TRAF5: variants seen among roughly 807,000 people sequenced by gnomAD.
TRAF5 encodes TNF receptor-associated factor 5.
TRAF5 carries 48 observed loss-of-function variants against 64.5 expected under a neutral mutation model. That is an observed-to-expected ratio of 0.74 (90% CI 0.59 to 0.95). The LOEUF (loss-of-function observed/expected upper bound fraction) is 0.95, where lower values mean the gene tolerates loss of function less well. TRAF5 is among the 40% of genes least tolerant of loss of function. TRAF5 has a pLI of 0.00. For missense variants in TRAF5, 545 were observed against 662.8 expected (o/e 0.82, Z 1.95); for synonymous variants, 206 against 240.5 (o/e 0.86, Z 1.33).
intron 7 of TRAF5, among the ~76,000 whole-genome samples, chr1:211,362,706 A>C (rs541397797): frequency 2.0e-5 from 3 of 152,204 alleles, no homozygotes; most frequent in South Asian, 4.1e-4. Flanking sequence ...AACCCCCCCA[A>C]CAACAACAAA....
intron 1 of TRAF5, among the ~76,000 whole-genome samples, chr1:211,329,293 C>CT (rs1702099315): frequency 6.6e-6 from 1 of 152,180 alleles, no homozygotes; most frequent in South Asian, 2.1e-4. Flanking sequence ...CCCTTGGGGT[C>CT]TGAGCTGCCA....
rs757504068 is a variant in TRAF5, at chr1:211,372,323, CCTT to C, written c.1298_1300del (p.Phe433del). 11 of 1,614,098 alleles carry C rather than the reference CCTT, an allele frequency of 6.8e-6. No individual in the cohort carries two copies. Among genetic ancestry groups the C allele is most frequent in the Non-Finnish European group, 9.3e-6 (11 of 1,180,028 alleles). ...CACACAGTGTCCATCTTCAGCCAGT[CCTT>C]CTACACCAGCCGCTGTGGCTACCGG... On this transcript the variant is annotated inframe_deletion, in exon 11 of 11. Transcript: ENST00000261464.
intron 1 of TRAF5, among the ~76,000 whole-genome samples, chr1:211,338,057 G>C (rs996136230): frequency 3.9e-5 from 6 of 152,172 alleles, no homozygotes; most frequent in Admixed American, 6.5e-5. Flanking sequence ...TCCAGCACCA[G>C]CCCGAAGCTC....
At chr1:211,342,567 A>G (rs1459769938) in intron 1 of TRAF5, among the ~76,000 whole-genome samples, 2 of 152,244 alleles carry the variant, frequency 1.3e-5, no homozygotes, top group African/African-American at 4.8e-5. Context: ...ATCAAATACT[A>G]GATTGTATTC....
intron 2 of TRAF5, 125 bp from the exon 3 acceptor site, chr1:211,354,285 A>G (rs1272568228): frequency 6.5e-6 from 5 of 765,396 alleles, no homozygotes; most frequent in Non-Finnish European, 1.1e-5. Context: ...GGTAGAGGGA[A>G]CAGCATGTGC....
chr1:211,371,368 G>T lies in TRAF5; in HGVS notation c.997G>T (p.Val333Phe), dbSNP rs753992714. ...EAQVHQLLQM[V>F]NQQQNKFDLR... is the part of the protein sequence containing the mutation. ...TCAAGTGCATCAATTATTACAAATGGTTAACCAGCAACAAAATAAATTTGA... is the reference window on the plus strand; with the variant it reads ...TCAAGTGCATCAATTATTACAAATGTTTAACCAGCAACAAAATAAATTTGA... Residue 333 changes from valine (V) to phenylalanine (F), a missense_variant, in exon 10 of 11, where the codon GTT becomes TTT. Physicochemically the swap from Val to Phe is conservative, Grantham distance 50. Coordinates refer to ENST00000261464, the MANE Select transcript of TRAF5 (RefSeq NM_001033910.3). The T allele has an allele frequency of 6.2e-6, 10 of 1,611,646 alleles. No individual in the cohort carries two copies. Among genetic ancestry groups the T allele is most frequent in the Non-Finnish European group, 8.5e-6 (10 of 1,179,670 alleles).
Position 211,327,795 on chromosome 1 carries a change from T to C in TRAF5, c.-2+906T>C, listed in dbSNP as rs375041948. Among the ~76,000 whole-genome samples, 338 of 152,346 alleles carry C rather than the reference T, an allele frequency of 2.2e-3. 1 individual carries two copies. Among genetic ancestry groups the C allele is most frequent in the African/African-American group, 7.9e-3 (329 of 41,580 alleles). ...CAGGCAGAGCTGCCTCAGGCGAGCA[T>C]TGAGGTTGGTGAAACCAGGCGAGGC... is the stretch of plus-strand genomic sequence containing the variant. On this transcript the variant is annotated intron_variant, in intron 1 of 10. Coordinates refer to ENST00000261464, the MANE Select transcript of TRAF5 (RefSeq NM_001033910.3).
intron 8 of TRAF5, chr1:211,369,215 T>G: frequency 3.5e-6 from 1 of 287,154 alleles, no homozygotes; most frequent in Non-Finnish European, 6.4e-6. Context: ...TGAACCATCA[T>G]AGTAGGTTAG....
At chr1:211,335,969 A>T (rs1187477498) in intron 1 of TRAF5, among the ~76,000 whole-genome samples, 1 of 151,944 alleles carries the variant, frequency 6.6e-6, no homozygotes, top group Non-Finnish European at 1.5e-5. Flanking sequence ...GTCTGGTCTG[A>T]TGATCTCTGT....
intron 1 of TRAF5, among the ~76,000 whole-genome samples, chr1:211,332,564 T>G (rs1282423875): frequency 2.0e-5 from 3 of 152,202 alleles, no homozygotes; most frequent in Admixed American, 6.5e-5. Context: ...GCTGGGTTGA[T>G]ATCTATGATG....
Position 211,365,440 on chromosome 1 carries a change from T to G in TRAF5, c.761T>G (p.Leu254Ter), listed in dbSNP as rs1356247501. 6.2e-7 allele frequency: 1 copy of G among 1,613,660 alleles called. No individual in the cohort carries two copies. The highest frequency in any genetic ancestry group is 8.5e-7 in the Non-Finnish European group (1 of 1,179,824). ...TTACGGGAGCACATGCGTTTGGTTT[T>G]AGAAAAGAATGTCCAATTAGAAGAA... is the stretch of plus-strand genomic sequence containing the variant. ...SALREHMRLV[L>*]EKNVQLEEQI... Residue 254 changes from leucine (L) to a stop codon, truncating the protein, a stop_gained, in exon 8 of 11, where the codon TTA becomes TGA. Coordinates refer to ENST00000261464, the MANE Select transcript of TRAF5 (RefSeq NM_001033910.3). LOFTEE classifies it high-confidence loss of function.
chr1:211,352,556 T>C (rs1041342358), intron 1 of TRAF5, among the ~76,000 whole-genome samples: 1 of 150,714 alleles, frequency 6.6e-6, no homozygotes. Flanking sequence ...AGCCCAGGAA[T>C]TGGAGATTAC....
At chr1:211,344,951 T>C (rs1311502808) in intron 1 of TRAF5, among the ~76,000 whole-genome samples, 1 of 152,042 alleles carries the variant, frequency 6.6e-6, no homozygotes, top group Non-Finnish European at 1.5e-5. Context: ...AGAGACATAA[T>C]TTTGCTCTTG....
chr1:211,335,361 TCTC>T (rs1348286042), intron 1 of TRAF5, among the ~76,000 whole-genome samples: 12 of 152,146 alleles, frequency 7.9e-5, no homozygotes, highest in Admixed American at 7.9e-4. Context: ...CCTATGTACA[TCTC>T]CTGCAGTATC....
At chr1:211,347,090 TG>T (rs1003421804) in intron 1 of TRAF5, among the ~76,000 whole-genome samples, 10 of 152,126 alleles carry the variant, frequency 6.6e-5, no homozygotes, top group African/African-American at 2.4e-4. Flanking sequence ...AGTTTTGATA[TG>T]TTTTTTTTTT....
At chr1:211,335,886 C>A (rs904636429) in intron 1 of TRAF5, among the ~76,000 whole-genome samples, 3 of 152,102 alleles carry the variant, frequency 2.0e-5, no homozygotes, top group African/African-American at 7.2e-5. Context: ...CTGCCGCCAC[C>A]CTGGCAGGGA....
chr1:211,344,571 T>A (rs1410512963), intron 1 of TRAF5, among the ~76,000 whole-genome samples: 1 of 152,166 alleles, frequency 6.6e-6, no homozygotes, highest in African/African-American at 2.4e-5. Context: ...TGGTTCTCCC[T>A]TTCTCCAAGG....
At chr1:211,353,813 G>C (rs966667673) in intron 2 of TRAF5, among the ~76,000 whole-genome samples, 1 of 152,204 alleles carries the variant, frequency 6.6e-6, no homozygotes, top group Non-Finnish European at 1.5e-5. Context: ...CAGAGGTGCT[G>C]TGGCACCTAG....
At chr1:211,328,617 G>A (rs1004775512) in intron 1 of TRAF5, among the ~76,000 whole-genome samples, 2 of 152,206 alleles carry the variant, frequency 1.3e-5, no homozygotes, top group Admixed American at 6.5e-5. Flanking sequence ...GGATGTTTCA[G>A]TGGGGATGAT....
Sources: gnomAD v4.1 joint callset for allele counts (sites outside exome capture counted in the v4.1 genomes callset) on GRCh38, gnomAD v4.1.1 for gene constraint, MANE v1.5 for transcripts, NCBI Gene and HGNC (gene_info 2026-07-23, HGNC 2026-07-21) for gene names.